Variants in FYN observed in about 807,000 individuals in gnomAD.
The protein encoded by FYN is FYN proto-oncogene, Src family tyrosine kinase, also known as tyrosine-protein kinase Fyn.
Under a neutral mutation model 70.2 loss-of-function variants are expected in FYN, and 10 were observed. The observed-to-expected ratio is 0.14, with a 90% CI of 0.09 to 0.24. The LOEUF is 0.24. Ranked by LOEUF, FYN falls within the 10% of genes least tolerant of loss-of-function variation. The pLI, the probability that FYN is intolerant of heterozygous loss-of-function variation, is 1.00. For missense variants in FYN, 319 were observed against 673.1 expected, an observed-to-expected ratio of 0.47 and a Z score of 5.82; for synonymous variants, 236 against 248.6, an observed-to-expected ratio of 0.95 and a Z score of 0.48.
intron 12 of FYN, among the ~76,000 whole-genome samples, chr6:111,679,793 G>C (rs1267387189): frequency 6.6e-6 from 1 of 152,154 alleles, no homozygotes; most frequent in Non-Finnish European, 1.5e-5. Context: ...AGTGTGTTCA[G>C]ATCCCCTTTG....
chr6:111,669,552 T>C (rs1164639022), intron 13 of FYN, among the ~76,000 whole-genome samples: 1 of 151,726 alleles, frequency 6.6e-6, no homozygotes, highest in African/African-American at 2.4e-5. Flanking sequence ...ACACTCTGCC[T>C]AGAATAGTGT....
intron 3 of FYN, among the ~76,000 whole-genome samples, chr6:111,774,190 TG>T (rs1384062316): frequency 6.6e-6 from 1 of 152,080 alleles, no homozygotes; most frequent in East Asian, 1.9e-4. Context: ...CCATATGGAG[TG>T]GGCCATGCCT....
chr6:111,704,324 G>A (rs1449293227), intron 6 of FYN, among the ~76,000 whole-genome samples: 1 of 152,060 alleles, frequency 6.6e-6, no homozygotes, highest in African/African-American at 2.4e-5. Flanking sequence ...TCAGATTTGA[G>A]TTGTGGGTTG....
intron 6 of FYN, among the ~76,000 whole-genome samples, chr6:111,704,939 G>T (rs1294312442): frequency 6.6e-6 from 1 of 152,032 alleles, no homozygotes; most frequent in Admixed American, 6.5e-5. Context: ...GCATGCACCT[G>T]TAATCCCAGC....
chr6:111,864,489 G>C (rs1468894071), intron 1 of FYN, among the ~76,000 whole-genome samples: 3 of 152,188 alleles, frequency 2.0e-5, no homozygotes, highest in Non-Finnish European at 2.9e-5. Context: ...ACAAGTCGGT[G>C]GGAAAGGCCA....
chr6:111,720,977 C>A (rs1242063352), intron 3 of FYN, among the ~76,000 whole-genome samples: 1 of 152,272 alleles, frequency 6.6e-6, no homozygotes, highest in Non-Finnish European at 1.5e-5. Flanking sequence ...TTACTTCCCA[C>A]TCTTCCTGTC....
At chr6:111,748,810 A>G (rs1213654594) in intron 3 of FYN, among the ~76,000 whole-genome samples, 1 of 152,222 alleles carries the variant, frequency 6.6e-6, no homozygotes, top group Non-Finnish European at 1.5e-5. Flanking sequence ...CATTACTTTC[A>G]TGTGTTTCTT....
chr6:111,793,370 A>G (rs563053149), intron 2 of FYN, among the ~76,000 whole-genome samples: 3 of 151,390 alleles, frequency 2.0e-5, no homozygotes, highest in African/African-American at 4.8e-5. Context: ...TTTTTTCCAC[A>G]TTAGTTAAAA....
At chr6:111,832,643 G>A (rs577318227) in intron 2 of FYN, among the ~76,000 whole-genome samples, 1 of 151,978 alleles carries the variant, frequency 6.6e-6, no homozygotes, top group Admixed American at 6.6e-5. Flanking sequence ...TTTAATAGAT[G>A]TATCACAGTT....
chr6:111,797,709 T>TATATAC (rs1771858136), intron 2 of FYN, among the ~76,000 whole-genome samples: 3 of 87,216 alleles, frequency 3.4e-5, no homozygotes, highest in Non-Finnish European at 4.5e-5. Context: ...TATATATATA[T>TATATAC]ATACACACAC....
chr6:111,766,710 C>A (rs1302164031), intron 3 of FYN, among the ~76,000 whole-genome samples: 1 of 152,098 alleles, frequency 6.6e-6, no homozygotes. Flanking sequence ...AGGGAAAAGC[C>A]CCTTATAAAA....
rs1322106999 is a variant in FYN, at chr6:111,711,404, T to C, written c.344+2943A>G. ...AGTCTTGAAATGTGAAAACAAGGAA[T>C]AAAATGGATGAACTTAAATACTTTG... On this transcript the variant is annotated intron_variant, in intron 5 of 13. Coordinates refer to ENST00000354650, the MANE Select transcript of FYN (RefSeq NM_002037.5). Among the ~76,000 whole-genome samples the C allele has an allele frequency of 3.9e-5, 6 of 152,320 alleles. No homozygotes were observed. The South Asian group carries it at 1.0e-3, about 26-fold the overall frequency.
chr6:111,705,898 C>T (rs1315207803), intron 6 of FYN, among the ~76,000 whole-genome samples: 1 of 152,126 alleles, frequency 6.6e-6, no homozygotes, highest in Non-Finnish European at 1.5e-5. Flanking sequence ...ATCCTCTCGC[C>T]CTGGCCTCCC....
intron 1 of FYN, among the ~76,000 whole-genome samples, chr6:111,870,963 C>G (rs62413756): frequency 6.6e-6 from 1 of 152,004 alleles, no homozygotes; most frequent in Non-Finnish European, 1.5e-5. Context: ...CTTTTTTTAT[C>G]GTAAAAAGTT....
At chr6:111,696,194 A>G in intron 10 of FYN, 83 bp downstream of exon 10, 4 of 1,190,080 alleles carry the variant, frequency 3.4e-6, no homozygotes, top group Non-Finnish European at 4.5e-6. Flanking sequence ...CTAGAAAAGT[A>G]GCAAGTAGGA....
At chr6:111,748,660 T>C (rs2128485031) in intron 3 of FYN, among the ~76,000 whole-genome samples, 1 of 152,274 alleles carries the variant, frequency 6.6e-6, no homozygotes, top group South Asian at 2.1e-4. Flanking sequence ...AGATGAGATG[T>C]AATGTAAGTA....
At chr6:111,714,771 T>C (rs1169858478) in intron 4 of FYN, among the ~76,000 whole-genome samples, 1 of 152,218 alleles carries the variant, frequency 6.6e-6, no homozygotes, top group Non-Finnish European at 1.5e-5. Flanking sequence ...AGGGTTCAGG[T>C]TTGCAGGGCT....
chr6:111,803,358 G>C (rs1222715440), intron 2 of FYN, among the ~76,000 whole-genome samples: 3 of 152,130 alleles, frequency 2.0e-5, no homozygotes, highest in East Asian at 3.9e-4. Flanking sequence ...GTGGAAGTAA[G>C]GTTTTACCCC....
At chr6:111,668,286 G>A (rs1458444271) in intron 13 of FYN, among the ~76,000 whole-genome samples, 1 of 152,226 alleles carries the variant, frequency 6.6e-6, no homozygotes, top group Non-Finnish European at 1.5e-5. Context: ...TGATGGAAGA[G>A]TGTGGATGAG....
Sources: gnomAD v4.1 joint callset for allele counts (sites outside exome capture counted in the v4.1 genomes callset) on GRCh38, gnomAD v4.1.1 for gene constraint, MANE v1.5 for transcripts, NCBI Gene and HGNC (gene_info 2026-07-23, HGNC 2026-07-21) for gene names.